MAGEA8: variants seen among roughly 807,000 people sequenced by gnomAD.
MAGEA8 encodes MAGE family member A8, also known as melanoma-associated antigen 8.
For synonymous variants in MAGEA8, 104 were observed against 102.6 expected (o/e 1.01, Z -0.08); for missense variants, 229 against 251.1 (o/e 0.91, Z 0.59).
intron 1 of MAGEA8, chrX:149,883,396 G>A (rs2090742194): frequency 8.9e-6 from 1 of 111,982 alleles, no homozygotes; most frequent in Non-Finnish European, 1.9e-5. Context: ...GTCTCCTGGA[G>A]ATAGGTCCTT....
intron 1 of MAGEA8, among the ~76,000 whole-genome samples, chrX:149,881,610 G>A (rs1310907877): frequency 2.1e-5 from 2 of 97,106 alleles, no homozygotes; most frequent in African/African-American, 7.3e-5. Context: ...GGCCGGGCAT[G>A]GCGGCCGGGC....
intron 1 of MAGEA8, chrX:149,883,097 C>G (rs1226708676): frequency 8.9e-6 from 1 of 112,236 alleles, no homozygotes; most frequent in Non-Finnish European, 1.9e-5. Context: ...GGGGGCCCAA[C>G]AGAAATCTGC....
intron 1 of MAGEA8, among the ~76,000 whole-genome samples, chrX:149,882,190 G>A (rs1276414408): frequency 1.8e-5 from 2 of 110,977 alleles, no homozygotes; most frequent in Non-Finnish European, 3.8e-5. Flanking sequence ...CCCAAGGCAG[G>A]ACAGTGGGGA....
rs376003727 is a variant in MAGEA8, at chrX:149,884,687, C to G, written c.415C>G (p.Leu139Val). 61 of 1,210,252 alleles carry G rather than the reference C, an allele frequency of 5.0e-5. No individual in the cohort carries two copies. The highest frequency in any genetic ancestry group is 6.6e-5 in the Non-Finnish European group (59 of 895,128). ...GGAGCCGGTCACAAAGGCAGAAATG[C>G]TTGAGAGTGTCATCAAAAATTACAA... The part of the protein sequence containing the change: ...IKEPVTKAEM[L>V]ESVIKNYKNH... Residue 139 changes from leucine to valine, a missense_variant, in exon 3 of 3, where the codon CTT becomes GTT. By Grantham distance (32) the Leu-to-Val change is conservative. Transcript: ENST00000286482.
intron 1 of MAGEA8, among the ~76,000 whole-genome samples, chrX:149,881,631 G>A (rs1557370520): frequency 1.0e-4 from 11 of 105,096 alleles, no homozygotes; most frequent in Admixed American, 1.9e-4. Context: ...ATGGCGGCCG[G>A]GCATGGCGGC....
chrX:149,883,444 TG>T (rs2090742403), intron 1 of MAGEA8: 1 of 111,815 alleles, frequency 8.9e-6, no homozygotes, highest in African/African-American at 3.3e-5. Flanking sequence ...CCAGGACACA[TG>T]GGCCCCAATG....
At chrX:149,882,231 G>A (rs1401698593) in intron 1 of MAGEA8, among the ~76,000 whole-genome samples, 1 of 111,057 alleles carries the variant, frequency 9.0e-6, no homozygotes, top group Non-Finnish European at 1.9e-5. Context: ...TTCTGGTAGG[G>A]GGCCTCAAGG....
chrX:149,883,554 G>A (rs2090743240), intron 1 of MAGEA8, among the ~76,000 whole-genome samples: 1 of 111,876 alleles, frequency 8.9e-6, no homozygotes, highest in African/African-American at 3.2e-5. Context: ...GAGGCCTTGG[G>A]CATGTGGGGC....
rs782615566 is a variant in MAGEA8, at chrX:149,884,574, C to G, written c.302C>G (p.Pro101Arg). The G allele has an allele frequency of 8.3e-7, 1 of 1,211,367 alleles. No homozygotes were observed. The highest frequency in any genetic ancestry group is 1.8e-5 in the South Asian group (1 of 56,869). The change falls in exon 3 of 3, where the codon CCA becomes CGA. Residue 101 changes from proline (P) to arginine (R), a missense_variant. Coordinates refer to ENST00000286482, the MANE Select transcript of MAGEA8 (RefSeq NM_005364.5). ...EEEGPSTSPD[P>R]AHLESLFREA... ...GAGGGGCCAAGCACCTCCCCGGACC[C>G]AGCTCACCTGGAGTCCCTGTTCCGG... is the stretch of plus-strand genomic sequence containing the variant.
chrX:149,884,724 C>G lies in MAGEA8; in HGVS notation c.452C>G (p.Pro151Arg), dbSNP rs1557370966. ...ATCAAAAATTACAAGAACCACTTTC[C>G]TGATATCTTCAGCAAAGCCTCTGAG... ...SVIKNYKNHF[P>R]DIFSKASECM... is the part of the protein sequence containing the mutation. Residue 151 changes from proline to arginine, a missense_variant, in exon 3 of 3, where the codon CCT (proline) becomes CGT (arginine). Physicochemically the swap from Pro to Arg is moderately radical, Grantham distance 103 (BLOSUM62 -2). Coordinates refer to ENST00000286482, the MANE Select transcript of MAGEA8 (RefSeq NM_005364.5). 1 of 1,211,543 alleles carries G rather than the reference C, an allele frequency of 8.3e-7. No homozygotes were observed.
rs1401317206 is a variant in MAGEA8, at chrX:149,885,123, C to A, written c.851C>A (p.Thr284Asn). 1 of 1,210,043 alleles carries A rather than the reference C, an allele frequency of 8.3e-7. No homozygotes were observed. Among genetic ancestry groups the A allele is most frequent in the East Asian group, 3.0e-5 (1 of 33,778 alleles). The change falls in exon 3 of 3, where the codon ACC becomes AAC. Residue 284 changes from threonine (T) to asparagine (N), a missense_variant. Physicochemically the swap from Thr to Asn is moderately conservative, Grantham distance 65. Coordinates refer to ENST00000286482, the MANE Select transcript of MAGEA8 (RefSeq NM_005364.5). ...TGGGGTCCAAGGGCCCTTGCTGAAA[C>A]CAGCTATGTGAAAGTCCTGGAGCAT... ...FLWGPRALAE[T>N]SYVKVLEHVV...
At position 149,884,572 on chromosome X, in the gene MAGEA8, C is replaced by T; in HGVS notation, c.300C>T (p.Asp100=). The change falls in exon 3 of 3, where the codon GAC becomes GAT. Residue 100 remains aspartate (D), a synonymous_variant. Transcript: ENST00000286482. ...NEEEGPSTSP[D]PAHLESLFRE... The stretch of plus-strand genomic sequence containing the variant: ...AGGAGGGGCCAAGCACCTCCCCGGA[C>T]CCAGCTCACCTGGAGTCCCTGTTCC... 1 of 1,211,149 alleles carries T rather than the reference C, an allele frequency of 8.3e-7. No individual in the cohort carries two copies. Among genetic ancestry groups the T allele is most frequent in the Non-Finnish European group, 1.1e-6 (1 of 895,059 alleles).
Position 149,884,088 on chromosome X carries a change from G to T in MAGEA8, c.-110G>T. 1 of 424,602 alleles carries T rather than the reference G, an allele frequency of 2.4e-6. No homozygotes were observed. The highest frequency in any genetic ancestry group is 2.4e-5 in the African/African-American group (1 of 40,962). The allele number at this position is 424,602 out of a possible 1,213,427, so 35.0% of individuals were successfully genotyped here. On this transcript the variant is annotated 5_prime_UTR_variant, in exon 2 of 3. Coordinates refer to ENST00000286482, the MANE Select transcript of MAGEA8 (RefSeq NM_005364.5). ...TCTCCTTCAGGTTCGCAGAGAACAGGCCAGCCAGGAGGTCAGGAGGCCCCA... is the reference window on the plus strand; with the variant it reads ...TCTCCTTCAGGTTCGCAGAGAACAGTCCAGCCAGGAGGTCAGGAGGCCCCA...
In MAGEA8 at chrX:149,885,408, A is replaced by G; in HGVS notation, c.*179A>G. ...GGGAGCATGTTGGGTGTGAGGGAAC[A>G]CAGTGTGGACCATCTCTCAGTTCCT... On this transcript the variant is annotated 3_prime_UTR_variant, in exon 3 of 3. Coordinates refer to ENST00000286482, the MANE Select transcript of MAGEA8 (RefSeq NM_005364.5). 2.5e-6 allele frequency: 1 copy of G among 406,438 alleles called. No homozygotes were observed. The highest frequency in any genetic ancestry group is 4.3e-6 in the Non-Finnish European group (1 of 230,403). The allele number at this position is 406,438 out of a possible 1,213,427, so 33.5% of individuals were successfully genotyped here.
chrX:149,883,655 C>G (rs1557370764), intron 1 of MAGEA8, among the ~76,000 whole-genome samples: 1 of 111,689 alleles, frequency 9.0e-6, no homozygotes, highest in Non-Finnish European at 1.9e-5. Context: ...AGGGCCAGAT[C>G]CAGGCCCTGC....
At chrX:149,882,275 G>A (rs782395204) in intron 1 of MAGEA8, among the ~76,000 whole-genome samples, 2 of 111,422 alleles carry the variant, frequency 1.8e-5, no homozygotes, top group Admixed American at 9.4e-5. Context: ...ACACATCCAC[G>A]GTTCAGCAGG....
At chrX:149,883,227 G>A (rs1309872763) in intron 1 of MAGEA8, 1 of 111,781 alleles carries the variant, frequency 8.9e-6, no homozygotes, top group African/African-American at 3.3e-5. Context: ...CTGCATTCAG[G>A]TCAGCAGAGC....
In MAGEA8 at chrX:149,884,788, G is replaced by A; in HGVS notation, c.516G>A (p.Val172=). 2 of 1,211,042 alleles carry A rather than the reference G, an allele frequency of 1.7e-6. No individual in the cohort carries two copies. Among genetic ancestry groups the A allele is most frequent in the Non-Finnish European group, 2.2e-6 (2 of 895,111 alleles). ...QVIFGIDVKE[V]DPAGHSYILV... is the part of the protein sequence containing the mutation. Reference sequence around the variant, plus strand: ...TCTTTGGCATTGATGTGAAGGAAGTGGACCCTGCCGGCCACTCCTACATCC... The same window carrying A: ...TCTTTGGCATTGATGTGAAGGAAGTAGACCCTGCCGGCCACTCCTACATCC... Residue 172 remains valine (V), a synonymous_variant, in exon 3 of 3, where the codon GTG becomes GTA. Transcript: ENST00000286482.
rs782627650 is a variant in MAGEA8, at chrX:149,885,459, ATCTTTG to A, written c.*232_*237del. The A allele has an allele frequency of 2.8e-5, 10 of 360,466 alleles. No homozygotes were observed. In the Admixed American group the frequency reaches 3.6e-4, roughly 13 times the overall value. 29.7% of individuals were successfully genotyped at this position (360,466 alleles called of 1,213,427 possible). A position where few individuals can be genotyped will look rare whatever the true frequency, so the allele number is the denominator to read the frequency against. On this transcript the variant is annotated 3_prime_UTR_variant, in exon 3 of 3. Coordinates refer to ENST00000286482, the MANE Select transcript of MAGEA8 (RefSeq NM_005364.5). ...GTTCTATTGGGCGATTTGGAGGTTT[ATCTTTG>A]TTTCCTTTTGGAATTGTTCCAATGT...
Sources: allele counts gnomAD v4.1 joint callset (sites outside exome capture counted in the v4.1 genomes callset), GRCh38; gene constraint gnomAD v4.1.1; transcripts MANE v1.5; gene names NCBI Gene and HGNC (gene_info 2026-07-23, HGNC 2026-07-21).